The following DYNC2H1 variants were observed in gnomAD, a reference collection of about 807,000 sequenced individuals.
DYNC2H1 encodes the protein cytoplasmic dynein 2 heavy chain 1.
In DYNC2H1, 410 loss-of-function variants were observed where a neutral mutation model predicts 570.0. The observed-to-expected ratio is 0.72, with a 90% CI of 0.66 to 0.78. DYNC2H1 has a LOEUF of 0.78. Ranked by LOEUF, DYNC2H1 falls within the 30% of genes least tolerant of loss-of-function variation. DYNC2H1 has a pLI of 0.00. For synonymous variants in DYNC2H1, 1,688 were observed against 1,677.6 expected, an observed-to-expected ratio of 1.01 and a Z score of -0.15; for missense variants, 4,865 against 5,046.4, an observed-to-expected ratio of 0.96 and a Z score of 1.09.
chr11:103,154,828 T>C lies in DYNC2H1; in HGVS notation c.3573+19T>C, dbSNP rs1453815185. 6.6e-7 allele frequency: 1 copy of C among 1,514,264 alleles called. No homozygotes were observed. The highest frequency in any genetic ancestry group is 8.9e-7 in the Non-Finnish European group (1 of 1,128,300). 93.8% of individuals were successfully genotyped at this position (1,514,264 alleles called of 1,614,324 possible). A position where few individuals can be genotyped will look rare whatever the true frequency, so the allele number is the denominator to read the frequency against. ...ATATAAAGTAAGATTGTTTTATTAT[T>C]TTGCCAATTAAAAACAATGTTTGGA... On this transcript the variant is annotated intron_variant, in intron 24 of 88. Transcript: ENST00000375735.
Position 103,200,081 on chromosome 11 carries a change from A to T in DYNC2H1, c.8124A>T (p.Val2708=). The T allele has an allele frequency of 1.9e-6, 3 of 1,590,292 alleles. No individual in the cohort carries two copies. The highest frequency in any genetic ancestry group is 2.6e-6 in the Non-Finnish European group (3 of 1,166,850). Residue 2708 remains valine (V), a synonymous_variant, in exon 50 of 89, where the codon GTA becomes GTT. Coordinates refer to ENST00000375735, the MANE Select transcript of DYNC2H1 (RefSeq NM_001377.3). ...LQLAGIEAQQ[V]VLLLEDYQFV... ...TTGCAGGAATTGAAGCACAACAGGT[A>T]GTTTTACTTCTTGAGGATTACCAGT...
At chr11:103,398,891 A>C (rs538820002) in intron 83 of DYNC2H1, among the ~76,000 whole-genome samples, 8 of 152,124 alleles carry the variant, frequency 5.3e-5, no homozygotes, top group Non-Finnish European at 1.0e-4. Context: ...TCTTGAGCAC[A>C]AGATTTCGTT....
Position 103,257,663 on chromosome 11 carries a change from T to C in DYNC2H1, c.10517T>C (p.Ile3506Thr). 2 of 1,613,272 alleles carry C rather than the reference T, an allele frequency of 1.2e-6. No homozygotes were observed. Among genetic ancestry groups the C allele is most frequent in the Non-Finnish European group, 1.7e-6 (2 of 1,179,448 alleles). ...AGTGCCAGCAAGATGTACTTCATTA[T>C]TTCTGATTTGTCCAAAATTAATAAC... ...AESASKMYFI[I>T]SDLSKINNMY... is the part of the protein sequence containing the mutation. The change falls in exon 69 of 89, where the codon ATT becomes ACT. Residue 3506 changes from isoleucine to threonine, a missense_variant. Physicochemically the swap from Ile to Thr is moderately conservative, Grantham distance 89. Around this residue, in one of 5 missense-constraint regions of DYNC2H1, gnomAD observed 2,401 missense variants for 2,454.6 expected, o/e 0.98. Coordinates refer to ENST00000375735, the MANE Select transcript of DYNC2H1 (RefSeq NM_001377.3).
chr11:103,363,733 T>C lies in DYNC2H1; in HGVS notation c.12156+5374T>C, dbSNP rs1413639316. 6.6e-6 allele frequency among the ~76,000 whole-genome samples: 1 copy of C among 152,198 alleles called. No individual in the cohort carries two copies. Among genetic ancestry groups the C allele is most frequent in the East Asian group, 1.9e-4 (1 of 5,200 alleles). Reference sequence around the variant, plus strand: ...ATATAAATTAAGTCTACATTACTGATTGTGACTAATAATTTAAGGCATCCA... The same window carrying C: ...ATATAAATTAAGTCTACATTACTGACTGTGACTAATAATTTAAGGCATCCA... On this transcript the variant is annotated intron_variant, in intron 83 of 88. Transcript: ENST00000375735. This position sits in a 1 kb window ranked among gnomAD's most constrained non-coding sequence, Gnocchi z 5.6.
At chr11:103,351,507 A>T (rs1421253408) in intron 82 of DYNC2H1, among the ~76,000 whole-genome samples, 3 of 152,150 alleles carry the variant, frequency 2.0e-5, no homozygotes, top group Non-Finnish European at 4.4e-5. Context: ...AATCTCCCAA[A>T]TCTTTGCTAA....
At chr11:103,215,513 C>T (rs1326605252) in intron 54 of DYNC2H1, among the ~76,000 whole-genome samples, 1 of 152,010 alleles carries the variant, frequency 6.6e-6, no homozygotes, top group Non-Finnish European at 1.5e-5. Flanking sequence ...TCTTTAAAAC[C>T]TCTGTGGGAT....
intron 18 of DYNC2H1, among the ~76,000 whole-genome samples, chr11:103,147,567 C>A (rs1860301471): frequency 6.6e-6 from 1 of 152,128 alleles, no homozygotes; most frequent in East Asian, 1.9e-4. Flanking sequence ...AGTATTGTAA[C>A]AAAATTATTG....
intron 40 of DYNC2H1, among the ~76,000 whole-genome samples, chr11:103,183,687 T>TAAGAAAATATAG (rs1861945312): frequency 6.6e-6 from 1 of 151,880 alleles, no homozygotes; most frequent in Admixed American, 6.6e-5. Flanking sequence ...ATTCAGCAAA[T>TAAGAAAATATAG]AAGAAAATAT....
Position 103,176,423 on chromosome 11 carries a change from A to G in DYNC2H1, c.5863A>G (p.Ile1955Val). 6.5e-7 allele frequency: 1 copy of G among 1,528,126 alleles called. No homozygotes were observed. The highest frequency in any genetic ancestry group is 8.7e-7 in the Non-Finnish European group (1 of 1,143,118). 94.7% of individuals were successfully genotyped at this position (1,528,126 alleles called of 1,614,324 possible). Residue 1955 changes from isoleucine (I) to valine (V), a missense_variant, in exon 37 of 89, where the codon ATA becomes GTA. By Grantham distance (29) the Ile-to-Val change is conservative. Transcript: ENST00000375735. ...CTTTGAAGAGGCCAATTATGAAATT[A>G]TACCCAATCAGGTAACTGTCAAGAA... is the stretch of plus-strand genomic sequence containing the variant. Reference protein sequence around the residue: ...QVFEEANYEIIPNQIKKALEL... With the variant: ...QVFEEANYEIVPNQIKKALEL...
chr11:103,187,685 T>A, intron 43 of DYNC2H1, 99 bp downstream of exon 43: 3 of 1,404,178 alleles, frequency 2.1e-6, no homozygotes, highest in Non-Finnish European at 2.9e-6. Context: ...GGGCCAGTTT[T>A]ATCTAGCATT....
At position 103,283,544 on chromosome 11, in the gene DYNC2H1, A is replaced by G. The variant is rs550360316; in HGVS notation, c.10890+459A>G. 7.2e-5 allele frequency among the ~76,000 whole-genome samples: 11 copies of G among 152,318 alleles called. No individual in the cohort carries two copies. In the South Asian group the frequency reaches 1.0e-3, roughly 14 times the overall value. On this transcript the variant is annotated intron_variant, in intron 73 of 88. Coordinates refer to ENST00000375735, the MANE Select transcript of DYNC2H1 (RefSeq NM_001377.3). ...TTGTATCATTATAACAGCACCTGAT[A>G]AAAACAGTAAGAATAGCTAGCATTT...
chr11:103,116,230 C>T (rs1023870919), intron 4 of DYNC2H1, among the ~76,000 whole-genome samples: 2 of 152,074 alleles, frequency 1.3e-5, no homozygotes, highest in Non-Finnish European at 2.9e-5. Flanking sequence ...TGAATAAAGA[C>T]ATGCGAACTA....
At chr11:103,358,507 C>A in intron 83 of DYNC2H1, 148 bp downstream of exon 83, 1 of 499,916 alleles carries the variant, frequency 2.0e-6, no homozygotes, top group Non-Finnish European at 3.6e-6. Flanking sequence ...TTTCTTCATA[C>A]CAGTGCACAT....
intron 82 of DYNC2H1, among the ~76,000 whole-genome samples, chr11:103,337,004 G>A (rs10895398): frequency 0.29 from 44,733 of 152,042 alleles, 6,662 homozygotes; most frequent in South Asian, 0.37. Flanking sequence ...TGATGGCCAT[G>A]ACGCCCACGC....
intron 20 of DYNC2H1, among the ~76,000 whole-genome samples, chr11:103,150,867 A>G (rs1276971421): frequency 6.6e-6 from 1 of 152,198 alleles, no homozygotes; most frequent in Non-Finnish European, 1.5e-5. Flanking sequence ...ATTAGGTATT[A>G]TAAGAGGAAA....
chr11:103,323,768 C>T, intron 81 of DYNC2H1, 118 bp from the exon 82 acceptor site: 1 of 795,008 alleles, frequency 1.3e-6, no homozygotes, highest in Non-Finnish European at 1.9e-6. Context: ...TGAGATTTAT[C>T]TAGAAAATAA....
At chr11:103,172,026 G>T (rs1351183613) in intron 34 of DYNC2H1, among the ~76,000 whole-genome samples, 4 of 152,118 alleles carry the variant, frequency 2.6e-5, no homozygotes, top group African/African-American at 9.7e-5. Context: ...CTGAATACAG[G>T]AAGTTGTAAG....
rs367826430 is a variant in DYNC2H1 at position 103,113,725 on chromosome 11, C to T, written c.366+18C>T. On this transcript the variant is annotated intron_variant, in intron 2 of 88. Transcript: ENST00000375735. Reference sequence around the variant, plus strand: ...TGTTAAAGGTGAGAAAAGAAGCTGTCATTTTTTTTAACTGAGGTATTTGGA... The same window carrying T: ...TGTTAAAGGTGAGAAAAGAAGCTGTTATTTTTTTTAACTGAGGTATTTGGA... 42 of 1,487,026 alleles carry T rather than the reference C, an allele frequency of 2.8e-5. No homozygotes were observed. The highest frequency in any genetic ancestry group is 3.5e-5 in the Non-Finnish European group (39 of 1,124,504). 92.1% of individuals were successfully genotyped at this position (1,487,026 alleles called of 1,614,324 possible).
intron 45 of DYNC2H1, among the ~76,000 whole-genome samples, chr11:103,191,085 G>A (rs1862292344): frequency 7.1e-6 from 1 of 140,284 alleles, no homozygotes; most frequent in African/African-American, 2.7e-5. Context: ...TGTCGCCCAG[G>A]TTGTAGTGCA....
Sources: gnomAD v4.1 joint callset for allele counts (sites outside exome capture counted in the v4.1 genomes callset) on GRCh38, gnomAD v4.1.1 for gene constraint, gnomAD v4.1.1 regional missense constraint, Gnocchi (gnomAD v3.1) non-coding constraint, MANE v1.5 for transcripts, NCBI Gene and HGNC (gene_info 2026-07-23, HGNC 2026-07-21) for gene names.